Variants in PAM observed in about 807,000 individuals in gnomAD.
The protein encoded by PAM is peptidyl-glycine alpha-amidating monooxygenase.
Under a neutral mutation model 122.1 loss-of-function variants are expected in PAM, and 72 were observed. The ratio of observed to expected loss-of-function variants is 0.59; its 90% CI spans 0.49 to 0.72. The LOEUF (loss-of-function observed/expected upper bound fraction) is 0.72, where lower values mean the gene tolerates loss of function less well. Among genes scored for constraint, PAM ranks in the 30% least tolerant of loss-of-function variants. The pLI is 0.00. For missense variants in PAM, 1,106 were observed against 1,183.7 expected (o/e 0.93, Z 0.96); for synonymous variants, 389 against 404.4 (o/e 0.96, Z 0.46).
chr5:102,946,727 C>T (rs1757165915), intron 7 of PAM, 110 bp from the exon 8 acceptor site: 2 of 707,648 alleles, frequency 2.8e-6, no homozygotes, highest in African/African-American at 1.8e-5. Context: ...ACAGATGAAA[C>T]ATAACTTGTG....
At chr5:102,997,990 G>A (rs371358662) in intron 16 of PAM, among the ~76,000 whole-genome samples, 2 of 152,320 alleles carry the variant, frequency 1.3e-5, no homozygotes, top group East Asian at 1.9e-4. Context: ...TCAGGTCTGT[G>A]ACTCTGAGAC....
chr5:102,836,828 A>G (rs764117782), intron 1 of PAM, among the ~76,000 whole-genome samples: 31 of 150,226 alleles, frequency 2.1e-4, no homozygotes, highest in Non-Finnish European at 4.1e-4. Context: ...ACAAATGAAA[A>G]TGTTAATTAT....
Position 102,974,174 on chromosome 5 carries a change from G to A in PAM, c.1221G>A (p.Val407=). 1.2e-6 allele frequency: 2 copies of A among 1,613,752 alleles called. No individual in the cohort carries two copies. Among genetic ancestry groups the A allele is most frequent in the Non-Finnish European group, 1.7e-6 (2 of 1,179,736 alleles). ...GAGAAAGGGAAGATGTTGTTCATGT[G>A]CACAAATATAATCCTACAGAAAAGG... is the stretch of plus-strand genomic sequence containing the variant. The part of the protein sequence containing the change: ...LLGEREDVVH[V]HKYNPTEKAE... The change falls in exon 15 of 26, where the codon GTG becomes GTA. Residue 407 remains valine, a synonymous_variant. Transcript: ENST00000438793.
chr5:102,928,123 A>G (rs1362659553), intron 7 of PAM, among the ~76,000 whole-genome samples: 1 of 152,168 alleles, frequency 6.6e-6, no homozygotes, highest in Non-Finnish European at 1.5e-5. Context: ...GATCACCACA[A>G]CTAAAGTAGC....
At chr5:102,775,488 C>T (rs1402415361) in intron 1 of PAM, among the ~76,000 whole-genome samples, 1 of 152,068 alleles carries the variant, frequency 6.6e-6, no homozygotes, top group Non-Finnish European at 1.5e-5. Context: ...CTGATGCTCT[C>T]CCTCCCCACC....
chr5:102,926,414 A>C (rs563380235), intron 6 of PAM, among the ~76,000 whole-genome samples, 171 bp from the exon 7 acceptor site: 75 of 152,374 alleles, frequency 4.9e-4, no homozygotes, highest in African/African-American at 1.7e-3. Context: ...AGGAGATTAT[A>C]ATGACAGATT....
intron 22 of PAM, among the ~76,000 whole-genome samples, chr5:103,019,431 C>T (rs1012501578): frequency 1.3e-5 from 2 of 152,176 alleles, no homozygotes; most frequent in Non-Finnish European, 2.9e-5. Context: ...AATCCATTAA[C>T]ATCAACTAGA....
At chr5:102,998,160 C>A (rs894901894) in intron 16 of PAM, among the ~76,000 whole-genome samples, 5 of 152,150 alleles carry the variant, frequency 3.3e-5, no homozygotes, top group Admixed American at 3.3e-4. Flanking sequence ...TTACTTTCTC[C>A]TCATCAATAA....
intron 1 of PAM, among the ~76,000 whole-genome samples, chr5:102,774,062 C>T (rs929276864): frequency 9.9e-5 from 15 of 152,132 alleles, no homozygotes; most frequent in African/African-American, 2.9e-4. Flanking sequence ...TTTTTTGTGG[C>T]TACATAGTAT....
chr5:102,873,024 A>C (rs1581179524), intron 3 of PAM, among the ~76,000 whole-genome samples: 1 of 151,998 alleles, frequency 6.6e-6, no homozygotes, highest in African/African-American at 2.4e-5. Flanking sequence ...ATGACATACA[A>C]TTTACCTGTA....
chr5:102,998,953 T>G (rs1776548644), intron 16 of PAM, among the ~76,000 whole-genome samples: 1 of 152,178 alleles, frequency 6.6e-6, no homozygotes. Flanking sequence ...GAGGTTTAAT[T>G]GACTCAGTTC....
chr5:103,002,338 G>A (rs1037794127), intron 16 of PAM, among the ~76,000 whole-genome samples: 3 of 152,066 alleles, frequency 2.0e-5, no homozygotes, highest in African/African-American at 7.2e-5. Context: ...AAAAGGTACT[G>A]AGTTTAAAAG....
chr5:102,889,352 G>C (rs1159038165), intron 3 of PAM, among the ~76,000 whole-genome samples: 5 of 152,030 alleles, frequency 3.3e-5, no homozygotes, highest in African/African-American at 1.2e-4. Context: ...TTTCTCTAAT[G>C]ATGCCATAGC....
chr5:102,995,990 T>C (rs1468623400), intron 16 of PAM, among the ~76,000 whole-genome samples: 1 of 152,024 alleles, frequency 6.6e-6, no homozygotes, highest in East Asian at 1.9e-4. Context: ...ATAATTATAT[T>C]ATATTTCATA....
At chr5:102,924,788 A>T (rs1010263691) in intron 5 of PAM, among the ~76,000 whole-genome samples, 169 bp from the exon 6 acceptor site, 6 of 152,062 alleles carry the variant, frequency 3.9e-5, no homozygotes, top group South Asian at 2.1e-4. Context: ...ACACAGTAAT[A>T]GTTCTTTGCT....
Position 102,861,138 on chromosome 5 carries a change from G to A in PAM, c.-373-4685G>A, listed in dbSNP as rs528169472. Among the ~76,000 whole-genome samples, 3 of 152,342 alleles carry A rather than the reference G, an allele frequency of 2.0e-5. No individual in the cohort carries two copies. The East Asian group carries it at 5.8e-4, about 29-fold the overall frequency. On this transcript the variant is annotated intron_variant, in intron 1 of 25. Transcript: ENST00000438793. ...ACTAACTTCCCAGCCATGTGAGCAA[G>A]CTGTCTTGCAAGCAAATCTTCCAGC...
chr5:103,009,043 TTA>T (rs1779871294), intron 20 of PAM, among the ~76,000 whole-genome samples: 3 of 152,152 alleles, frequency 2.0e-5, no homozygotes, highest in Non-Finnish European at 2.9e-5. Flanking sequence ...GTATAATTTA[TTA>T]TGTTTTAATT....
intron 3 of PAM, among the ~76,000 whole-genome samples, chr5:102,877,449 A>T (rs1789601789): frequency 6.6e-6 from 1 of 152,218 alleles, no homozygotes; most frequent in African/African-American, 2.4e-5. Context: ...ACAGGTTAGA[A>T]TCTACATTTC....
chr5:102,911,518 A>G (rs1478804225), intron 4 of PAM, among the ~76,000 whole-genome samples: 1 of 151,974 alleles, frequency 6.6e-6, no homozygotes, highest in Non-Finnish European at 1.5e-5. Flanking sequence ...AGAAAAAATC[A>G]GAAAATAGTT....
Sources: gnomAD v4.1 joint callset for allele counts (sites outside exome capture counted in the v4.1 genomes callset) on GRCh38, gnomAD v4.1.1 for gene constraint, MANE v1.5 for transcripts, NCBI Gene and HGNC (gene_info 2026-07-23, HGNC 2026-07-21) for gene names.